The following DPP6 variants were observed in gnomAD, a reference collection of about 807,000 sequenced individuals.
DPP6 encodes dipeptidyl peptidase like 6, also known as A-type potassium channel modulatory protein DPP6.
In DPP6, 69 loss-of-function variants were observed where a neutral mutation model predicts 122.6. The ratio of observed to expected loss-of-function variants is 0.56; its 90% CI spans 0.46 to 0.69. DPP6 has a LOEUF of 0.69. DPP6 is among the 30% of genes least tolerant of loss of function. DPP6 has a pLI of 0.00. For missense variants in DPP6, 928 were observed against 1,116.9 expected (o/e 0.83, Z 2.41); for synonymous variants, 418 against 433.1 (o/e 0.97, Z 0.43).
intron 1 of DPP6, among the ~76,000 whole-genome samples, chr7:154,374,358 G>C (rs1004381328): frequency 6.6e-6 from 1 of 152,216 alleles, no homozygotes; most frequent in Non-Finnish European, 1.5e-5. Context: ...CTCCCCTGGA[G>C]TGTGGTATCA....
chr7:154,543,993 C>CAAAA (rs35853479), intron 4 of DPP6, among the ~76,000 whole-genome samples: 23 of 68,728 alleles, frequency 3.3e-4, no homozygotes, highest in Non-Finnish European at 4.1e-4. Context: ...GACTCCATCT[C>CAAAA]AAAAAAAAAA....
At chr7:154,784,116 A>G (rs980226367) in intron 10 of DPP6, among the ~76,000 whole-genome samples, 2 of 152,050 alleles carry the variant, frequency 1.3e-5, no homozygotes, top group African/African-American at 4.8e-5. Context: ...TGTGTGTTTC[A>G]TTGCCTGTGA....
At chr7:154,668,243 C>CA (rs1209803103) in intron 6 of DPP6, among the ~76,000 whole-genome samples, 1 of 47,406 alleles carries the variant, frequency 2.1e-5, no homozygotes, top group Non-Finnish European at 6.0e-5. Flanking sequence ...TTTTTCAAGA[C>CA]AGAGTTTCGC....
At chr7:154,081,787 G>A (rs1408666956) in intron 1 of DPP6, among the ~76,000 whole-genome samples, 3 of 151,716 alleles carry the variant, frequency 2.0e-5, no homozygotes, top group East Asian at 1.9e-4. Flanking sequence ...AAAAGGGAAC[G>A]TGTCTTTCTG....
chr7:154,792,910 T>TG (rs1239971687), intron 10 of DPP6, among the ~76,000 whole-genome samples: 44 of 152,322 alleles, frequency 2.9e-4, no homozygotes, highest in African/African-American at 1.0e-3. Flanking sequence ...GGCCCTCACC[T>TG]GCTTGCCGCT....
At chr7:154,891,897 C>G (rs1177616623) in intron 25 of DPP6, among the ~76,000 whole-genome samples, 4 of 152,234 alleles carry the variant, frequency 2.6e-5, no homozygotes, top group South Asian at 4.1e-4. Flanking sequence ...GAGCCTGACA[C>G]CCTGAAAACT....
At chr7:154,334,331 T>C (rs115717028) in intron 1 of DPP6, among the ~76,000 whole-genome samples, 2,441 of 152,300 alleles carry the variant, frequency 0.016, 69 homozygotes, top group African/African-American at 0.056. Context: ...AGCAGTAAGA[T>C]GCAAAAGCAA....
chr7:154,668,603 C>A (rs537563038), intron 6 of DPP6, among the ~76,000 whole-genome samples: 66 of 152,150 alleles, frequency 4.3e-4, no homozygotes, highest in African/African-American at 1.5e-3. Context: ...TCATTCTTCA[C>A]GTGGAGGGGT....
At chr7:154,463,378 T>G (rs1378152855) in intron 2 of DPP6, among the ~76,000 whole-genome samples, 1 of 151,786 alleles carries the variant, frequency 6.6e-6, no homozygotes, top group Non-Finnish European at 1.5e-5. Context: ...CGGCTAATTT[T>G]TTGTGTTTTT....
intron 4 of DPP6, among the ~76,000 whole-genome samples, chr7:154,557,414 C>T (rs531831180): frequency 5.9e-5 from 9 of 152,268 alleles, no homozygotes; most frequent in African/African-American, 1.4e-4. Context: ...GGTGTTATTG[C>T]GTATCAGCCC....
chr7:154,637,522 A>C (rs530975751), intron 5 of DPP6, among the ~76,000 whole-genome samples: 125 of 152,324 alleles, frequency 8.2e-4, no homozygotes, highest in Non-Finnish European at 1.2e-3. Flanking sequence ...TGTCCTCATT[A>C]GTTCTGTGCT....
At chr7:154,201,126 TTTG>T (rs777764411) in intron 1 of DPP6, among the ~76,000 whole-genome samples, 3 of 152,222 alleles carry the variant, frequency 2.0e-5, no homozygotes, top group Middle Eastern at 3.4e-3. Flanking sequence ...ATTGCCTTTT[TTTG>T]TTGTTGTTTT....
chr7:154,494,697 GA>G (rs1328062859), intron 3 of DPP6, among the ~76,000 whole-genome samples: 1 of 152,084 alleles, frequency 6.6e-6, no homozygotes, highest in Non-Finnish European at 1.5e-5. Flanking sequence ...TTCTGCAAGA[GA>G]AAAGACGCTG....
intron 1 of DPP6, among the ~76,000 whole-genome samples, chr7:154,346,409 C>T (rs1415554957): frequency 3.3e-5 from 5 of 152,106 alleles, no homozygotes; most frequent in Admixed American, 6.6e-5. Flanking sequence ...CAGGTTCAAG[C>T]GATTCTCCTG....
At chr7:154,065,335 C>A (rs913440033) in intron 1 of DPP6, among the ~76,000 whole-genome samples, 1 of 129,868 alleles carries the variant, frequency 7.7e-6, no homozygotes, top group Non-Finnish European at 1.6e-5. Flanking sequence ...AGGGACACCT[C>A]CCATCACTCT....
chr7:154,595,885 C>A (rs1263061753), intron 5 of DPP6, among the ~76,000 whole-genome samples: 3 of 152,020 alleles, frequency 2.0e-5, no homozygotes, highest in Admixed American at 2.0e-4. Context: ...ATGGTGAAAC[C>A]CTGTTTCTAC....
At chr7:154,694,932 C>T (rs1475243832) in intron 7 of DPP6, among the ~76,000 whole-genome samples, 3 of 152,230 alleles carry the variant, frequency 2.0e-5, no homozygotes, top group Admixed American at 2.0e-4. Flanking sequence ...CCATGCCAGA[C>T]TTCTGAATCT....
chr7:153,996,858 C>A (rs1797461998), intron 1 of DPP6, among the ~76,000 whole-genome samples: 1 of 152,074 alleles, frequency 6.6e-6, no homozygotes, highest in Admixed American at 6.5e-5. Context: ...AATGGTTGTT[C>A]TAAAAGGAAA....
chr7:154,473,401 A>G (rs1229313519), intron 2 of DPP6, among the ~76,000 whole-genome samples: 1 of 152,192 alleles, frequency 6.6e-6, no homozygotes, highest in Non-Finnish European at 1.5e-5. Context: ...ATGTTTCACA[A>G]TAAGGCCACC....
Sources: allele counts gnomAD v4.1 joint callset (sites outside exome capture counted in the v4.1 genomes callset), GRCh38; gene constraint gnomAD v4.1.1; transcripts MANE v1.5; gene names NCBI Gene and HGNC (gene_info 2026-07-23, HGNC 2026-07-21).